The following HOOK3 variants were observed in gnomAD, a reference collection of about 807,000 sequenced individuals.
HOOK3 encodes the protein hook microtubule tethering protein 3.
Under a neutral mutation model 116.3 loss-of-function variants are expected in HOOK3, and 24 were observed. The ratio of observed to expected loss-of-function variants is 0.21; its 90% CI spans 0.15 to 0.29. The LOEUF is 0.29. HOOK3 is among the 10% of genes least tolerant of loss of function. HOOK3 has a pLI of 1.00. For missense variants in HOOK3, 632 were observed against 830.2 expected, an observed-to-expected ratio of 0.76 and a Z score of 2.93; for synonymous variants, 275 against 283.0, an observed-to-expected ratio of 0.97 and a Z score of 0.28.
chr8:42,971,643 T>G (rs1808729954), intron 11 of HOOK3, among the ~76,000 whole-genome samples: 1 of 152,136 alleles, frequency 6.6e-6, no homozygotes, highest in Non-Finnish European at 1.5e-5. Flanking sequence ...CTGGTTATTT[T>G]TGATGGTCTC....
At chr8:42,923,809 G>A (rs1005978198) in intron 2 of HOOK3, among the ~76,000 whole-genome samples, 3 of 152,154 alleles carry the variant, frequency 2.0e-5, no homozygotes, top group Admixed American at 6.6e-5. Context: ...TGTGTCGTGA[G>A]TTATTTCTCA....
At chr8:42,936,826 A>T (rs1016150272) in intron 4 of HOOK3, among the ~76,000 whole-genome samples, 3 of 152,192 alleles carry the variant, frequency 2.0e-5, no homozygotes, top group African/African-American at 7.2e-5. Flanking sequence ...ATCGATGTTC[A>T]TCAGAGATAT....
At chr8:43,013,479 G>A (rs1454453192) in intron 21 of HOOK3, 79 bp downstream of exon 21, 1 of 1,151,356 alleles carries the variant, frequency 8.7e-7, no homozygotes, top group Non-Finnish European at 1.2e-6. Context: ...TACTGTAGAA[G>A]TCACTCTACC....
intron 1 of HOOK3, among the ~76,000 whole-genome samples, chr8:42,898,755 G>A (rs549770803): frequency 6.6e-6 from 1 of 152,286 alleles, no homozygotes; most frequent in East Asian, 1.9e-4. Context: ...TCCTTAACTT[G>A]CGATGGGGTT....
At position 43,026,152 on chromosome 8, in the gene HOOK3, T is replaced by G. The variant is rs1809929798; in HGVS notation, c.*7654T>G. ...GAAAATAATTACTTTAGCAGTTATG[T>G]TGTAAAATTAATAAAAAGGACTCAT... On this transcript the variant is annotated 3_prime_UTR_variant, in exon 22 of 22. Transcript: ENST00000307602. 1 of 205,838 alleles carries G rather than the reference T, an allele frequency of 4.9e-6. No individual in the cohort carries two copies. Among genetic ancestry groups the G allele is most frequent in the East Asian group, 7.4e-5 (1 of 13,438 alleles). 12.8% of individuals were successfully genotyped at this position (205,838 alleles called of 1,614,324 possible). A position where few individuals can be genotyped will look rare whatever the true frequency, so the allele number is the denominator to read the frequency against.
At chr8:42,980,808 T>C (rs1808924220) in intron 13 of HOOK3, among the ~76,000 whole-genome samples, 1 of 151,830 alleles carries the variant, frequency 6.6e-6, no homozygotes. Flanking sequence ...CACTTGAACC[T>C]GAGAGGAGGA....
chr8:42,964,932 T>G (rs1047648301), intron 9 of HOOK3, among the ~76,000 whole-genome samples: 2 of 152,194 alleles, frequency 1.3e-5, no homozygotes, highest in African/African-American at 4.8e-5. Context: ...AACATGAAAC[T>G]ACTTCACGTC....
chr8:43,001,440 T>TGG (rs1425923617), intron 16 of HOOK3, among the ~76,000 whole-genome samples: 1 of 152,162 alleles, frequency 6.6e-6, no homozygotes, highest in African/African-American at 2.4e-5. Context: ...TAAAATTTAT[T>TGG]AATAGTATAT....
chr8:42,909,874 G>A (rs1807388859), intron 2 of HOOK3, among the ~76,000 whole-genome samples: 1 of 152,202 alleles, frequency 6.6e-6, no homozygotes, highest in Non-Finnish European at 1.5e-5. Flanking sequence ...CACTTATGTG[G>A]AATCTAAAAC....
chr8:43,002,621 C>T (rs1809402302), intron 17 of HOOK3, among the ~76,000 whole-genome samples: 1 of 152,132 alleles, frequency 6.6e-6, no homozygotes, highest in Non-Finnish European at 1.5e-5. Flanking sequence ...CTATAGCTTG[C>T]CAGCTCTAAA....
intron 13 of HOOK3, among the ~76,000 whole-genome samples, chr8:42,978,669 T>C (rs112061290): frequency 0.049 from 7,383 of 151,924 alleles, 364 homozygotes; most frequent in African/African-American, 0.12. Context: ...CCACCTCGGC[T>C]TCCCAAAGTG....
At chr8:42,964,169 T>C in intron 8 of HOOK3, 142 bp from the exon 9 acceptor site, 2 of 749,908 alleles carry the variant, frequency 2.7e-6, no homozygotes, top group East Asian at 2.8e-5. Flanking sequence ...ATTGCGCCAC[T>C]GCACTCCAGC....
chr8:43,000,879 A>G (rs1458914574), intron 16 of HOOK3: 1 of 152,226 alleles, frequency 6.6e-6, no homozygotes, highest in East Asian at 1.9e-4. Flanking sequence ...GTTTTGCTAG[A>G]GTCTAATCAA....
At chr8:42,963,170 T>C (rs1343413413) in intron 8 of HOOK3, among the ~76,000 whole-genome samples, 4 of 152,188 alleles carry the variant, frequency 2.6e-5, no homozygotes, top group African/African-American at 4.8e-5. Context: ...AATTCTTTCT[T>C]ATTGCTGAGT....
chr8:42,897,100 G>A lies in HOOK3; in HGVS notation c.-32G>A. ...CAGAGCGGCGGCGGTGTCTGGCCAG[G>A]CGGTAGGCGCTGCCTGGCCGCGGCG... On this transcript the variant is annotated 5_prime_UTR_variant, in exon 1 of 22. Transcript: ENST00000307602. 2 of 1,240,986 alleles carry A rather than the reference G, an allele frequency of 1.6e-6. No individual in the cohort carries two copies. The highest frequency in any genetic ancestry group is 2.0e-6 in the Non-Finnish European group (2 of 988,090). 76.9% of individuals were successfully genotyped at this position (1,240,986 alleles called of 1,614,324 possible).
At chr8:42,978,929 A>G (rs1204517131) in intron 13 of HOOK3, among the ~76,000 whole-genome samples, 1 of 152,134 alleles carries the variant, frequency 6.6e-6, no homozygotes, top group African/African-American at 2.4e-5. Context: ...CAGGTAATTT[A>G]GTGTTGCACA....
Position 42,964,299 on chromosome 8 carries a change from A to T in HOOK3, c.616-12A>T. ...TGGAAGAAATAACTGCCGTCGTCCTATATTCCAACAGGTTGCAGCATTGCA... is the reference window on the plus strand; with the variant it reads ...TGGAAGAAATAACTGCCGTCGTCCTTTATTCCAACAGGTTGCAGCATTGCA... On this transcript the variant is annotated splice_polypyrimidine_tract_variant and intron_variant, in intron 8 of 21. Coordinates refer to ENST00000307602, the MANE Select transcript of HOOK3 (RefSeq NM_032410.4). The T allele has an allele frequency of 6.2e-7, 1 of 1,613,844 alleles. No homozygotes were observed. The highest frequency in any genetic ancestry group is 1.1e-5 in the South Asian group (1 of 91,080).
At chr8:42,945,555 C>T (rs964409809) in intron 5 of HOOK3, among the ~76,000 whole-genome samples, 12 of 152,214 alleles carry the variant, frequency 7.9e-5, no homozygotes, top group African/African-American at 2.7e-4. Context: ...AAGTGATCCA[C>T]CCGCCTTGGC....
intron 14 of HOOK3, among the ~76,000 whole-genome samples, chr8:42,983,124 G>A (rs1179278660): frequency 1.3e-5 from 2 of 152,074 alleles, no homozygotes; most frequent in African/African-American, 4.8e-5. Context: ...CACAAGGTCA[G>A]GAGATCGAGA....
Sources: gnomAD v4.1 joint callset for allele counts (sites outside exome capture counted in the v4.1 genomes callset) on GRCh38, gnomAD v4.1.1 for gene constraint, MANE v1.5 for transcripts, NCBI Gene and HGNC (gene_info 2026-07-23, HGNC 2026-07-21) for gene names.